The following RICTOR variants were observed in gnomAD, a reference collection of about 807,000 sequenced individuals.
The protein encoded by RICTOR is RPTOR independent companion of MTOR complex 2, also known as rapamycin-insensitive companion of mTOR.
Under a neutral mutation model 214.9 loss-of-function variants are expected in RICTOR, and 49 were observed. The observed-to-expected ratio is 0.23, with a 90% confidence interval of 0.18 to 0.29. RICTOR has a LOEUF of 0.29. Ranked by LOEUF, RICTOR falls within the 10% of genes least tolerant of loss-of-function variation. The probability of loss-of-function intolerance (pLI) is 1.00; values close to 1 mark genes in which losing one functional copy is unlikely to be tolerated. For synonymous variants in RICTOR, 717 were observed against 711.3 expected, an observed-to-expected ratio of 1.01 and a Z score of -0.13; for missense variants, 1,625 against 2,047.0, an observed-to-expected ratio of 0.79 and a Z score of 3.98.
chr5:39,024,525 A>G (rs562443585), intron 2 of RICTOR, among the ~76,000 whole-genome samples: 1 of 152,320 alleles, frequency 6.6e-6, no homozygotes, highest in African/African-American at 2.4e-5. Flanking sequence ...GAAGTTCATA[A>G]AAATTTTATA....
At position 38,939,314 on chromosome 5, in the gene RICTOR, T is replaced by C. The variant is rs1747278763; in HGVS notation, c.*2990A>G. Reference sequence around the variant, plus strand: ...ATAAAAGAGCTGAAACCCATTAAAGTTGTCATTTCAAAAGGACTTGTACAC... The same window carrying C: ...ATAAAAGAGCTGAAACCCATTAAAGCTGTCATTTCAAAAGGACTTGTACAC... On this transcript the variant is annotated 3_prime_UTR_variant, in exon 38 of 38. Coordinates refer to ENST00000357387, the MANE Select transcript of RICTOR (RefSeq NM_152756.5). 1 of 232,508 alleles carries C rather than the reference T, an allele frequency of 4.3e-6. No individual in the cohort carries two copies. Among genetic ancestry groups the C allele is most frequent in the Non-Finnish European group, 8.5e-6 (1 of 117,568 alleles). The allele number at this position is 232,508 out of a possible 1,614,324, so 14.4% of individuals were successfully genotyped here. A position where few individuals can be genotyped will look rare whatever the true frequency, so the allele number is the denominator to read the frequency against.
At chr5:38,965,402 CA>C (rs1419536832) in intron 15 of RICTOR, among the ~76,000 whole-genome samples, 1 of 151,918 alleles carries the variant, frequency 6.6e-6, no homozygotes, top group Non-Finnish European at 1.5e-5. Flanking sequence ...ACCACCCAAC[CA>C]GCTATCAATG....
At chr5:39,016,825 T>A (rs1171096896) in intron 3 of RICTOR, among the ~76,000 whole-genome samples, 1 of 152,164 alleles carries the variant, frequency 6.6e-6, no homozygotes, top group Non-Finnish European at 1.5e-5. Flanking sequence ...ATGTAGTTAG[T>A]CTTAATTGAA....
chr5:38,975,660 G>GT (rs35381860), intron 9 of RICTOR, 56 bp from the exon 10 acceptor site: 35 of 1,293,334 alleles, frequency 2.7e-5, no homozygotes, highest in East Asian at 2.3e-4. Context: ...GTTAAAATGA[G>GT]TTTTTTCCTG....
chr5:38,959,287 G>T lies in RICTOR; in HGVS notation c.2086C>A (p.His696Asn). ...CTAGAAACAGTAAGTTTTAGCAAGT[G>T]ATCTTGGTTTTTCAAGGAGCAAAGA... ...LNLCSLKNQDHLLKLTVSSLD... is the reference protein window; with the variant it reads ...LNLCSLKNQDNLLKLTVSSLD... The change falls in exon 22 of 38, where the codon CAC becomes AAC. Residue 696 changes from histidine to asparagine, a missense_variant. Physicochemically the swap from His to Asn is moderately conservative, Grantham distance 68. Around this residue, in one of 5 missense-constraint regions of RICTOR, gnomAD observed 1,214 missense variants for 1,470.5 expected, o/e 0.83. Transcript: ENST00000357387. 1 of 1,584,502 alleles carries T rather than the reference G, an allele frequency of 6.3e-7. No individual in the cohort carries two copies. The highest frequency in any genetic ancestry group is 8.6e-7 in the Non-Finnish European group (1 of 1,162,518).
chr5:38,963,504 G>A (rs1749967246), intron 16 of RICTOR, among the ~76,000 whole-genome samples: 1 of 151,774 alleles, frequency 6.6e-6, no homozygotes, highest in African/African-American at 2.4e-5. Context: ...TTCCACATTG[G>A]TCTGTAACTG....
chr5:38,959,568 G>A (rs1406442519), intron 21 of RICTOR, among the ~76,000 whole-genome samples: 5 of 151,974 alleles, frequency 3.3e-5, no homozygotes, highest in African/African-American at 9.7e-5. Flanking sequence ...TCAATTCAAC[G>A]TATATTTTTA....
At chr5:38,978,977 T>C (rs1402870879) in intron 8 of RICTOR, among the ~76,000 whole-genome samples, 2 of 152,198 alleles carry the variant, frequency 1.3e-5, no homozygotes, top group East Asian at 1.9e-4. Context: ...TCAGTATCTA[T>C]CCCAAGATAA....
At chr5:39,051,296 G>C (rs1043903974) in intron 2 of RICTOR, among the ~76,000 whole-genome samples, 1 of 152,154 alleles carries the variant, frequency 6.6e-6, no homozygotes, top group African/African-American at 2.4e-5. Flanking sequence ...CTAAGCATTT[G>C]CCAGACACTA....
At chr5:39,019,925 C>A (rs1755266324) in intron 3 of RICTOR, among the ~76,000 whole-genome samples, 1 of 152,132 alleles carries the variant, frequency 6.6e-6, no homozygotes, top group African/African-American at 2.4e-5. Context: ...GGGAAGAAAT[C>A]AAAATCTCAA....
chr5:38,958,858 A>T, intron 22 of RICTOR, 27 bp from the exon 23 acceptor site: 2 of 1,439,458 alleles, frequency 1.4e-6, no homozygotes, highest in Non-Finnish European at 1.8e-6. Flanking sequence ...ATACATTAAA[A>T]AAAAAAAAAA....
In RICTOR at chr5:38,978,334, A is replaced by G. The variant is rs71621893; in HGVS notation, c.821+249T>C. Among the ~76,000 whole-genome samples the G allele has an allele frequency of 2.1e-3, 324 of 152,250 alleles. 2 individuals are homozygous for G. Among genetic ancestry groups the G allele is most frequent in the Non-Finnish European group, 2.9e-4 (20 of 68,014 alleles). ...ATGCTAAAATATATACATTACAAAA[A>G]CAATGACCTTGGTTTCTGTCACAGT... is the stretch of plus-strand genomic sequence containing the variant. On this transcript the variant is annotated intron_variant, in intron 9 of 37. Transcript: ENST00000357387.
chr5:38,952,534 C>A lies in RICTOR; in HGVS notation c.2898-109G>T, dbSNP rs1372084250. ...ACTTTGAACTTTCTCTAAAACCCAC[C>A]AAAATGGTTGCGTTTGTGGAAAAAA... On this transcript the variant is annotated intron_variant, in intron 29 of 37. Transcript: ENST00000357387. 7 of 617,104 alleles carry A rather than the reference C, an allele frequency of 1.1e-5. No individual in the cohort carries two copies. In the South Asian group the frequency reaches 1.7e-4, roughly 15 times the overall value. The allele number at this position is 617,104 out of a possible 1,614,324, so 38.2% of individuals were successfully genotyped here.
At chr5:39,010,910 T>C (rs755189992) in intron 3 of RICTOR, among the ~76,000 whole-genome samples, 52 of 152,342 alleles carry the variant, frequency 3.4e-4, no homozygotes, top group Non-Finnish European at 5.3e-4. Context: ...TTGGAAAATT[T>C]GCAGCCTGAT....
At chr5:39,040,436 T>G (rs969908314) in intron 2 of RICTOR, among the ~76,000 whole-genome samples, 6 of 152,136 alleles carry the variant, frequency 3.9e-5, no homozygotes, top group Non-Finnish European at 8.8e-5. Context: ...CTGCACGCTG[T>G]GCACATGTAC....
chr5:38,966,446 TGCATGC>T lies in RICTOR; in HGVS notation c.1299+189_1299+194del, dbSNP rs201417345. 9.9e-3 allele frequency among the ~76,000 whole-genome samples: 1,507 copies of T among 152,378 alleles called. 11 individuals are homozygous for T. Among genetic ancestry groups the T allele is most frequent in the Non-Finnish European group, 0.014 (975 of 68,030 alleles). ...TACAAAACCAATCAAAATATGCATG[TGCATGC>T]GCATGCGCGCACGTACATATCTATC... On this transcript the variant is annotated intron_variant, in intron 15 of 37. Coordinates refer to ENST00000357387, the MANE Select transcript of RICTOR (RefSeq NM_152756.5).
At chr5:39,013,191 A>G (rs886661851) in intron 3 of RICTOR, among the ~76,000 whole-genome samples, 3 of 152,228 alleles carry the variant, frequency 2.0e-5, no homozygotes, top group Admixed American at 2.0e-4. Context: ...CTTATAAACA[A>G]GTTAAACTTT....
chr5:39,055,005 CATGA>C (rs1352090909), intron 2 of RICTOR, among the ~76,000 whole-genome samples: 2 of 152,164 alleles, frequency 1.3e-5, no homozygotes, highest in Non-Finnish European at 2.9e-5. Flanking sequence ...CGTCTTGTAA[CATGA>C]ATGAAAGAAT....
At chr5:39,028,052 CATT>C (rs914520426) in intron 2 of RICTOR, among the ~76,000 whole-genome samples, 3 of 151,488 alleles carry the variant, frequency 2.0e-5, no homozygotes, top group Non-Finnish European at 2.9e-5. Context: ...TGCCTAACAT[CATT>C]AATTAACAGG....
Sources: allele counts gnomAD v4.1 joint callset (sites outside exome capture counted in the v4.1 genomes callset), GRCh38; gene constraint gnomAD v4.1.1; regional missense constraint gnomAD v4.1.1; transcripts MANE v1.5; gene names NCBI Gene and HGNC (gene_info 2026-07-23, HGNC 2026-07-21).